GLG1: variants seen among roughly 807,000 people sequenced by gnomAD.
GLG1 encodes the protein Golgi apparatus protein 1.
A neutral mutation model predicts 160.5 loss-of-function variants in GLG1; 38 were observed. The ratio of observed to expected loss-of-function variants is 0.24; its 90% CI spans 0.18 to 0.31. The LOEUF (loss-of-function observed/expected upper bound fraction) is 0.31. Ranked by LOEUF, GLG1 falls within the 10% of genes least tolerant of loss-of-function variation. The probability of loss-of-function intolerance (pLI) is 1.00; values close to 1 mark genes in which losing one functional copy is unlikely to be tolerated. For synonymous variants in GLG1, 644 were observed against 543.4 expected (o/e 1.19, Z -2.57); for missense variants, 1,373 against 1,505.2 (o/e 0.91, Z 1.45).
At chr16:74,579,407 A>T (rs1011311393) in intron 1 of GLG1, among the ~76,000 whole-genome samples, 4 of 151,534 alleles carry the variant, frequency 2.6e-5, no homozygotes, top group African/African-American at 9.7e-5. Flanking sequence ...CAAAATGAGA[A>T]CTTGTCTCAA....
chr16:74,490,221 T>C (rs2015933834), intron 8 of GLG1, among the ~76,000 whole-genome samples: 1 of 152,158 alleles, frequency 6.6e-6, no homozygotes, highest in African/African-American at 2.4e-5. Context: ...GTACTAAATC[T>C]CTAATACATT....
chr16:74,519,480 T>C (rs1388214520), intron 2 of GLG1, among the ~76,000 whole-genome samples: 1 of 150,918 alleles, frequency 6.6e-6, no homozygotes, highest in Non-Finnish European at 1.5e-5. Flanking sequence ...ACTTAAAGTA[T>C]AATAATTAAA....
rs953367046 is a variant in GLG1, at chr16:74,607,111, G to C, written c.-17C>G. 3 of 1,511,628 alleles carry C rather than the reference G, an allele frequency of 2.0e-6. No individual in the cohort carries two copies. Among genetic ancestry groups the C allele is most frequent in the African/African-American group, 2.8e-5 (2 of 71,998 alleles). 93.6% of individuals were successfully genotyped at this position (1,511,628 alleles called of 1,614,324 possible). On this transcript the variant is annotated 5_prime_UTR_variant, in exon 1 of 26. Transcript: ENST00000422840. ...CGCCGCCATCTTGAGTCCGCGGCGA[G>C]CTCGACGCACTCGCCGGCGCCGCGT...
At chr16:74,529,365 T>G (rs1340450767) in intron 2 of GLG1, among the ~76,000 whole-genome samples, 1 of 152,154 alleles carries the variant, frequency 6.6e-6, no homozygotes, top group Non-Finnish European at 1.5e-5. Context: ...GTCTAATTGA[T>G]TTTCTTAATA....
intron 1 of GLG1, among the ~76,000 whole-genome samples, chr16:74,569,818 C>T (rs887038817): frequency 1.3e-5 from 2 of 149,052 alleles, no homozygotes; most frequent in East Asian, 2.0e-4. Context: ...GCCAAGATCA[C>T]GCCACTGCAC....
intron 4 of GLG1, among the ~76,000 whole-genome samples, chr16:74,498,042 A>C (rs1487444208): frequency 6.6e-6 from 1 of 152,132 alleles, no homozygotes; most frequent in Non-Finnish European, 1.5e-5. Flanking sequence ...AGTTCCCCTA[A>C]ATATTTTCTA....
At chr16:74,575,605 G>C (rs1481537947) in intron 1 of GLG1, among the ~76,000 whole-genome samples, 3 of 152,062 alleles carry the variant, frequency 2.0e-5, no homozygotes, top group Non-Finnish European at 2.9e-5. Flanking sequence ...GTTTTTGTTT[G>C]TTTGTTTTTT....
intron 1 of GLG1, among the ~76,000 whole-genome samples, chr16:74,590,979 G>A (rs1377228722): frequency 6.6e-6 from 1 of 151,512 alleles, no homozygotes; most frequent in Non-Finnish European, 1.5e-5. Context: ...ATAAAAATAT[G>A]AAAATGAAGT....
intron 22 of GLG1, among the ~76,000 whole-genome samples, chr16:74,460,212 A>G (rs1429314118): frequency 2.0e-5 from 3 of 152,078 alleles, no homozygotes; most frequent in Admixed American, 2.0e-4. Context: ...GTAGAGACAG[A>G]GTTTCTCCAT....
intron 2 of GLG1, among the ~76,000 whole-genome samples, chr16:74,523,438 G>GT (rs1361736927): frequency 1.3e-5 from 2 of 152,054 alleles, no homozygotes; most frequent in Non-Finnish European, 2.9e-5. Flanking sequence ...CAGGTACTCT[G>GT]TGTTTCCACA....
chr16:74,585,862 A>G (rs1958037160), intron 1 of GLG1, among the ~76,000 whole-genome samples: 1 of 152,136 alleles, frequency 6.6e-6, no homozygotes, highest in Non-Finnish European at 1.5e-5. Flanking sequence ...CAGGAGTTCA[A>G]GACCAGCCTG....
Position 74,606,554 on chromosome 16 carries a change from GAAGC to G in GLG1, c.438+99_438+102del, listed in dbSNP as rs1958571089. The stretch of plus-strand genomic sequence containing the variant: ...GGGAAGGAGCGAGTGCAGCACAGAG[GAAGC>G]AAGGAAAGCAGCCGACCGGCGTCAG... On this transcript the variant is annotated intron_variant, in intron 1 of 25. Coordinates refer to ENST00000422840, the MANE Select transcript of GLG1 (RefSeq NM_001145667.2). The G allele has an allele frequency of 6.2e-6, 6 of 964,480 alleles. No individual in the cohort carries two copies. The South Asian group carries it at 7.9e-5, about 13-fold the overall frequency. The allele number at this position is 964,480 out of a possible 1,614,324, so 59.7% of individuals were successfully genotyped here.
At chr16:74,463,549 T>A (rs1567458366) in intron 19 of GLG1, 70 bp from the exon 20 acceptor site, 3 of 1,519,002 alleles carry the variant, frequency 2.0e-6, no homozygotes, top group East Asian at 2.3e-5. Flanking sequence ...GACCACTTTT[T>A]TTTTTCTGGA....
intron 1 of GLG1, among the ~76,000 whole-genome samples, chr16:74,594,793 G>A (rs1015594738): frequency 1.3e-5 from 2 of 152,180 alleles, no homozygotes; most frequent in Non-Finnish European, 2.9e-5. Context: ...AGGCTGGAGG[G>A]CAGTGGCACG....
Position 74,606,828 on chromosome 16 carries a change from C to CTGCGGCGGCTGAGGCTGCTGT in GLG1, c.246_266dup (p.Gln83_Gln89dup). 1 of 1,601,054 alleles carries CTGCGGCGGCTGAGGCTGCTGT rather than the reference C, an allele frequency of 6.2e-7. No homozygotes were observed. Among genetic ancestry groups the CTGCGGCGGCTGAGGCTGCTGT allele is most frequent in the Middle Eastern group, 1.7e-4 (1 of 5,900 alleles). On this transcript the variant is annotated inframe_insertion, in exon 1 of 26. Transcript: ENST00000422840. ...GAGGCCCACCCGCCGGGAAAGGCGG[C>CTGCGGCGGCTGAGGCTGCTGT]TGCGGCGGCTGAGGCTGCTGTTGCT...
At chr16:74,550,909 G>C (rs1477328060) in intron 1 of GLG1, among the ~76,000 whole-genome samples, 4 of 152,072 alleles carry the variant, frequency 2.6e-5, no homozygotes, top group African/African-American at 9.7e-5. Context: ...TATTCCTCTC[G>C]AGCCACCATT....
chr16:74,517,073 C>T (rs1227397706), intron 2 of GLG1, among the ~76,000 whole-genome samples: 1 of 152,054 alleles, frequency 6.6e-6, no homozygotes, highest in South Asian at 2.1e-4. Context: ...AGCCTATCAA[C>T]CAAAAAAAGT....
intron 1 of GLG1, among the ~76,000 whole-genome samples, chr16:74,579,346 G>A (rs1957883950): frequency 9.5e-6 from 1 of 105,794 alleles, no homozygotes; most frequent in African/African-American, 4.3e-5. Flanking sequence ...GCCTTGGGAG[G>A]TAAAGGCTGC....
chr16:74,470,535 G>C (rs1312781691), intron 15 of GLG1, among the ~76,000 whole-genome samples: 3 of 143,078 alleles, frequency 2.1e-5, no homozygotes, highest in Admixed American at 7.3e-5. Flanking sequence ...TGCAACCTCT[G>C]CCTCCCGGGT....
Sources: gnomAD v4.1 joint callset for allele counts (sites outside exome capture counted in the v4.1 genomes callset) on GRCh38, gnomAD v4.1.1 for gene constraint, MANE v1.5 for transcripts, NCBI Gene and HGNC (gene_info 2026-07-23, HGNC 2026-07-21) for gene names.